APLF: variants seen among roughly 807,000 people sequenced by gnomAD.
APLF encodes the protein aprataxin and PNK-like factor.
A neutral mutation model predicts 55.6 loss-of-function variants in APLF; 61 were observed. That is an observed-to-expected ratio of 1.10 (90% CI 0.89 to 1.36). The LOEUF (loss-of-function observed/expected upper bound fraction) is 1.36. Ranked by LOEUF, APLF falls within the 40% of genes most tolerant of loss-of-function variation. The probability of loss-of-function intolerance (pLI) is 0.00; values close to 1 mark genes in which losing one functional copy is unlikely to be tolerated. For missense variants in APLF, 611 were observed against 602.5 expected (o/e 1.01, Z -0.15); for synonymous variants, 207 against 214.8 (o/e 0.96, Z 0.32).
chr2:68,558,381 TAATA>T, intron 8 of APLF, among the ~76,000 whole-genome samples: 2 of 152,326 alleles, frequency 1.3e-5, no homozygotes, highest in Middle Eastern at 6.8e-3. Context: ...GTTTTTTATT[TAATA>T]AAGACCATAT....
chr2:68,529,573 G>C lies in APLF; in HGVS notation c.804+3331G>C. On this transcript the variant is annotated intron_variant, in intron 6 of 9. Coordinates refer to ENST00000303795, the MANE Select transcript of APLF (RefSeq NM_173545.3). The surrounding 1 kb of genome is among the most constrained non-coding windows in gnomAD (Gnocchi z 4.4). ...GCACACTGGGCATCTGGGAGTTTATGACATCACCATGGGGCTGGTGACAGA... is the reference window on the plus strand; with the variant it reads ...GCACACTGGGCATCTGGGAGTTTATCACATCACCATGGGGCTGGTGACAGA... 1.6e-6 allele frequency: 1 copy of C among 606,130 alleles called. No individual in the cohort carries two copies. The highest frequency in any genetic ancestry group is 2.1e-6 in the Non-Finnish European group (1 of 476,900). 37.5% of individuals were successfully genotyped at this position (606,130 alleles called of 1,614,324 possible). A position where few individuals can be genotyped will look rare whatever the true frequency, so the allele number is the denominator to read the frequency against.
chr2:68,518,630 A>AATAATATATCAATATATCATGAATAT (rs1669752371), intron 5 of APLF, among the ~76,000 whole-genome samples: 3 of 113,490 alleles, frequency 2.6e-5, no homozygotes, highest in African/African-American at 6.8e-5. Flanking sequence ...ATGAATATAT[A>AATAATATATCAATATATCATGAATAT]ATAATATATC....
At chr2:68,494,277 C>CAAAAAAAAAAAAAA (rs59466460) in intron 2 of APLF, among the ~76,000 whole-genome samples, 53 of 49,484 alleles carry the variant, frequency 1.1e-3, no homozygotes, top group Non-Finnish European at 1.6e-3. Flanking sequence ...GACCCCGTCT[C>CAAAAAAAAAAAAAA]AAAAAAAAAA....
At position 68,579,130 on chromosome 2, in the gene APLF, A is replaced by G; in HGVS notation, c.*1108A>G. 3 of 908,898 alleles carry G rather than the reference A, an allele frequency of 3.3e-6. No individual in the cohort carries two copies. Among genetic ancestry groups the G allele is most frequent in the Non-Finnish European group, 3.9e-6 (3 of 760,536 alleles). 56.3% of individuals were successfully genotyped at this position (908,898 alleles called of 1,614,324 possible). A position where few individuals can be genotyped will look rare whatever the true frequency, so the allele number is the denominator to read the frequency against. On this transcript the variant is annotated 3_prime_UTR_variant, in exon 10 of 10. Transcript: ENST00000303795. ...TGCTATTATTTTCTACTCTAAAGGAACCTAAAAATTTATATCTTAAAAGAT... is the reference window on the plus strand; with the variant it reads ...TGCTATTATTTTCTACTCTAAAGGAGCCTAAAAATTTATATCTTAAAAGAT...
intron 5 of APLF, among the ~76,000 whole-genome samples, chr2:68,521,551 CA>C (rs1463499280): frequency 6.6e-6 from 1 of 151,800 alleles, no homozygotes; most frequent in Admixed American, 6.6e-5. Context: ...TATATTTAGG[CA>C]AAGGCTTTCA....
At chr2:68,498,504 C>T (rs1400584954) in intron 2 of APLF, among the ~76,000 whole-genome samples, 2 of 152,212 alleles carry the variant, frequency 1.3e-5, no homozygotes, top group East Asian at 3.8e-4. Context: ...TGACTTTCTG[C>T]CTTTTTTCCC....
intron 1 of APLF, among the ~76,000 whole-genome samples, chr2:68,482,560 C>T (rs1007452581): frequency 6.6e-6 from 1 of 152,102 alleles, no homozygotes; most frequent in African/African-American, 2.4e-5. Context: ...GCTGAGGGTG[C>T]TGGTGTGCAG....
At chr2:68,562,081 CG>C (rs1573267340) in intron 8 of APLF, among the ~76,000 whole-genome samples, 1 of 151,872 alleles carries the variant, frequency 6.6e-6, no homozygotes, top group East Asian at 1.9e-4. Flanking sequence ...GAAATGATAC[CG>C]TTTGTGATAA....
Position 68,501,371 on chromosome 2 carries a change from T to A in APLF, c.169-1360T>A, listed in dbSNP as rs143601513. 4.6e-3 allele frequency among the ~76,000 whole-genome samples: 691 copies of A among 151,750 alleles called. 3 individuals are homozygous for A. Among genetic ancestry groups the A allele is most frequent in the African/African-American group, 0.016 (660 of 41,356 alleles). On this transcript the variant is annotated intron_variant, in intron 2 of 9. Coordinates refer to ENST00000303795, the MANE Select transcript of APLF (RefSeq NM_173545.3). ...CCAGAGGAAGTCTCATTTAAACTGA[T>A]GAAATAGATAGAAGGAAGGGTAATA...
rs1669739276 is a variant in APLF, at chr2:68,518,520, T to C, written c.622+4840T>C. Among the ~76,000 whole-genome samples the C allele has an allele frequency of 2.6e-5, 3 of 116,892 alleles. No individual in the cohort carries two copies. In the South Asian group the frequency reaches 7.3e-4, roughly 28 times the overall value. The allele number at this position is 116,892 out of a possible 152,430, so 76.7% of individuals were successfully genotyped here. On this transcript the variant is annotated intron_variant, in intron 5 of 9. Transcript: ENST00000303795. ...ATATATAATAATGTTAATATATTAT[T>C]ATATTATATATTAATATATAATAAT...
intron 1 of APLF, among the ~76,000 whole-genome samples, chr2:68,489,863 CTT>C (rs1676299889): frequency 6.6e-6 from 1 of 152,106 alleles, no homozygotes; most frequent in African/African-American, 2.4e-5. Context: ...TATATACAGA[CTT>C]TTCGTATTTT....
At position 68,534,745 on chromosome 2, in the gene APLF, G is replaced by A. The variant is rs553829182; in HGVS notation, c.805-3127G>A. Among the ~76,000 whole-genome samples, 449 of 152,172 alleles carry A rather than the reference G, an allele frequency of 3.0e-3. 4 individuals are homozygous for A. Among genetic ancestry groups the A allele is most frequent in the Middle Eastern group, 0.014 (4 of 294 alleles). On this transcript the variant is annotated intron_variant, in intron 6 of 9. Coordinates refer to ENST00000303795, the MANE Select transcript of APLF (RefSeq NM_173545.3). Reference sequence around the variant, plus strand: ...TCTAATGTAAGAAATAAGCAATGTGGGATGCTTAGGAAATATAGAGCTCTC... The same window carrying A: ...TCTAATGTAAGAAATAAGCAATGTGAGATGCTTAGGAAATATAGAGCTCTC...
intron 6 of APLF, chr2:68,528,484 C>T: frequency 2.6e-6 from 4 of 1,534,060 alleles, no homozygotes; most frequent in East Asian, 2.4e-5. Flanking sequence ...GTGGCCCCGA[C>T]AGTTTTCTTT....
chr2:68,496,611 G>A (rs963211144), intron 2 of APLF, among the ~76,000 whole-genome samples: 7 of 152,324 alleles, frequency 4.6e-5, no homozygotes, highest in African/African-American at 1.7e-4. Flanking sequence ...CAGGTTGTTA[G>A]AAGCAGCCAG....
chr2:68,501,426 TA>T (rs80226716), intron 2 of APLF, among the ~76,000 whole-genome samples: 3,565 of 143,110 alleles, frequency 0.025, 64 homozygotes, highest in African/African-American at 0.047. Flanking sequence ...AGATTGTACT[TA>T]AAAAAAAAAA....
chr2:68,563,438 G>A lies in APLF; in HGVS notation c.1287-3903G>A, dbSNP rs149288395. The A allele has an allele frequency of 1.3e-4, 103 of 807,628 alleles. 1 individual carries two copies. The Admixed American group carries it at 3.8e-3, about 30-fold the overall frequency. 50.0% of individuals were successfully genotyped at this position (807,628 alleles called of 1,614,324 possible). A position where few individuals can be genotyped will look rare whatever the true frequency, so the allele number is the denominator to read the frequency against. On this transcript the variant is annotated intron_variant, in intron 8 of 9. Transcript: ENST00000303795. ...GTTGGTGGATGCAGATGGTGCATGC[G>A]AGTGCAACTGGGAATGTTTTCCAGG...
intron 7 of APLF, 38 bp from the exon 8 acceptor site, chr2:68,545,149 A>AT (rs11337234): frequency 7.4e-3 from 10,351 of 1,393,612 alleles, no homozygotes; most frequent in East Asian, 0.013. Context: ...AGAATATCCT[A>AT]TTTTTTTTTT....
In APLF at chr2:68,478,645, C is replaced by T. The variant is rs529503984; in HGVS notation, c.96+10818C>T. On this transcript the variant is annotated intron_variant, in intron 1 of 9. Transcript: ENST00000303795. ...CAGCAGCAGATGAATTCCCAGATGT[C>T]ATTAAGATAATCATTGAGGAGAAAG... is the stretch of plus-strand genomic sequence containing the variant. 6.6e-5 allele frequency among the ~76,000 whole-genome samples: 10 copies of T among 152,136 alleles called. No individual in the cohort carries two copies. The South Asian group carries it at 1.9e-3, about 28-fold the overall frequency.
rs766105884 is a variant in APLF, at chr2:68,526,270, TG to T, written c.804+29del. ...GATTTTAAAAAATTCATTATTTGAT[TG>T]TTTTTTTGTTAGGTGTTTTAGATAG... On this transcript the variant is annotated intron_variant, in intron 6 of 9. Transcript: ENST00000303795. 163 of 1,585,796 alleles carry T rather than the reference TG, an allele frequency of 1.0e-4. No homozygotes were observed. In the African/African-American group the frequency reaches 1.9e-3, roughly 18 times the overall value.
Sources: allele counts gnomAD v4.1 joint callset (sites outside exome capture counted in the v4.1 genomes callset), GRCh38; gene constraint gnomAD v4.1.1; non-coding constraint Gnocchi (gnomAD v3.1); transcripts MANE v1.5; gene names NCBI Gene and HGNC (gene_info 2026-07-23, HGNC 2026-07-21).